Variants in POTEE observed in about 807,000 individuals in gnomAD.
The protein encoded by POTEE is POTE ankyrin domain family member E.
Under a neutral mutation model 74.2 loss-of-function variants are expected in POTEE, and 21 were observed. That is an observed-to-expected ratio of 0.28 (90% CI 0.20 to 0.41). The LOEUF (loss-of-function observed/expected upper bound fraction) is 0.41, where lower values mean the gene tolerates loss of function less well. POTEE is among the 10% of genes least tolerant of loss of function. The pLI, the probability that POTEE is intolerant of heterozygous loss-of-function variation, is 1.00. For missense variants in POTEE, 525 were observed against 1,158.6 expected (o/e 0.45, Z 7.94); for synonymous variants, 211 against 432.8 (o/e 0.49, Z 6.36).
intron 3 of POTEE, among the ~76,000 whole-genome samples, 48 bp downstream of exon 3, chr2:131,217,731 A>G (rs1700475529): frequency 1.3e-5 from 2 of 149,986 alleles, no homozygotes; most frequent in South Asian, 4.2e-4. Flanking sequence ...CCCTGACGCC[A>G]CCTGAGATAA....
intron 1 of POTEE, among the ~76,000 whole-genome samples, 33 bp downstream of exon 1, chr2:131,209,852 G>T (rs1310846683): frequency 6.6e-6 from 1 of 151,796 alleles, no homozygotes. Flanking sequence ...GCCCGCCTGT[G>T]GGGGCAGGGG....
intron 1 of POTEE, among the ~76,000 whole-genome samples, chr2:131,210,202 G>A (rs571285623): frequency 1.9e-3 from 238 of 124,622 alleles, no homozygotes; most frequent in Middle Eastern, 7.7e-3. Context: ...CTCAGGGTGC[G>A]CTATCAGGAG....
chr2:131,221,635 T>C (rs1700621419), intron 4 of POTEE, among the ~76,000 whole-genome samples: 1 of 152,224 alleles, frequency 6.6e-6, no homozygotes, highest in African/African-American at 2.4e-5. Context: ...CTGTGAACTT[T>C]TACCCTCTTC....
Position 131,232,676 on chromosome 2 carries a change from A to G in POTEE, c.1126+1770A>G, listed in dbSNP as rs544345592. ...GCTTTGGACTGCAAATACTAGATGAACAGTGGCTAAAACAGTAGGAACCAG... is the reference window on the plus strand; with the variant it reads ...GCTTTGGACTGCAAATACTAGATGAGCAGTGGCTAAAACAGTAGGAACCAG... On this transcript the variant is annotated intron_variant, in intron 9 of 17. Transcript: ENST00000683005. Among the ~76,000 whole-genome samples, 5 of 150,494 alleles carry G rather than the reference A, an allele frequency of 3.3e-5. No individual in the cohort carries two copies. In the East Asian group the frequency reaches 7.7e-4, roughly 23 times the overall value.
In POTEE at chr2:131,263,832, G is replaced by A. The variant is rs754500374; in HGVS notation, c.2377G>A (p.Glu793Lys). ...EKIWHHTFYN[E>K]LRVAPEEHPI... ...GATCTGGCACCACACCTTCTACAAC[G>A]AGCTGCGTGTGGCTCCCGAGGAGCA... Residue 793 changes from glutamate (E) to lysine (K), a missense_variant, in exon 18 of 18, where the codon GAG becomes AAG. Transcript: ENST00000683005. 19 of 1,614,004 alleles carry A rather than the reference G, an allele frequency of 1.2e-5. No homozygotes were observed. Among genetic ancestry groups the A allele is most frequent in the East Asian group, 4.5e-5 (2 of 44,886 alleles).
At chr2:131,214,398 A>G (rs1265701856) in intron 2 of POTEE, among the ~76,000 whole-genome samples, 1 of 152,272 alleles carries the variant, frequency 6.6e-6, no homozygotes, top group South Asian at 2.1e-4. Context: ...TGTTGTCCTA[A>G]AGTAGAATGA....
intron 4 of POTEE, among the ~76,000 whole-genome samples, chr2:131,221,608 C>G (rs1700620678): frequency 6.6e-6 from 1 of 152,160 alleles, no homozygotes; most frequent in South Asian, 2.1e-4. Flanking sequence ...ATTTTTCTAT[C>G]TGTGGTTGGC....
At chr2:131,232,888 A>G (rs1335689478) in intron 9 of POTEE, among the ~76,000 whole-genome samples, 3 of 151,890 alleles carry the variant, frequency 2.0e-5, no homozygotes, top group Non-Finnish European at 4.4e-5. Flanking sequence ...AAACAGGGAG[A>G]AAACTTAGAA....
chr2:131,209,872 C>T (rs1700318458), intron 1 of POTEE, among the ~76,000 whole-genome samples, 53 bp downstream of exon 1: 1 of 151,028 alleles, frequency 6.6e-6, no homozygotes, highest in Admixed American at 6.6e-5. Context: ...GTTGGGTGTC[C>T]TATTGGGGCT....
rs1164634870 is a variant in POTEE, at chr2:131,218,811, G to C, written c.409G>C (p.Gly137Arg). 1.2e-6 allele frequency: 2 copies of C among 1,612,712 alleles called. No individual in the cohort carries two copies. Among genetic ancestry groups the C allele is most frequent in the Non-Finnish European group, 8.5e-7 (1 of 1,179,868 alleles). Residue 137 changes from glycine to arginine, a missense_variant, in exon 4 of 18, where the codon GGA becomes CGA. Physicochemically the swap from Gly to Arg is moderately radical, Grantham distance 125. Coordinates refer to ENST00000683005, the MANE Select transcript of POTEE (RefSeq NM_001083538.3). ...AFMEPRYHVRGEDLDKLHRAA... is the reference protein window; with the variant it reads ...AFMEPRYHVRREDLDKLHRAA... ...CATGGAGCCCAGGTACCACGTCCGT[G>C]GAGAAGATCTGGACAAGCTCCACAG...
chr2:131,263,311 T>C (rs1260998654), intron 17 of POTEE, 44 bp from the exon 18 acceptor site: 1 of 1,576,650 alleles, frequency 6.3e-7, no homozygotes, highest in East Asian at 2.2e-5. Flanking sequence ...TCATGATATG[T>C]CAATCTATTG....
intron 2 of POTEE, among the ~76,000 whole-genome samples, chr2:131,216,346 T>C (rs1057387060): frequency 2.1e-4 from 32 of 152,238 alleles, no homozygotes; most frequent in African/African-American, 7.0e-4. Context: ...TCCTAAAATC[T>C]GAATGGAACC....
At chr2:131,225,696 T>C (rs1700763921) in intron 6 of POTEE, among the ~76,000 whole-genome samples, 1 of 148,882 alleles carries the variant, frequency 6.7e-6, no homozygotes, top group Non-Finnish European at 1.5e-5. Context: ...GTTTTTTTTT[T>C]TTTTTTTCAG....
rs374560179 is a variant in POTEE, at chr2:131,226,719, T to C, written c.811-104T>C. The stretch of plus-strand genomic sequence containing the variant: ...GGAAGCGAGTACATTTTATTTACTT[T>C]CTATGCGTGTAAGTCCATAAGATCT... On this transcript the variant is annotated intron_variant, in intron 6 of 17. Coordinates refer to ENST00000683005, the MANE Select transcript of POTEE (RefSeq NM_001083538.3). 1.1e-4 allele frequency: 171 copies of C among 1,555,784 alleles called. 1 individual carries two copies. In the South Asian group the frequency reaches 1.3e-3, roughly 12 times the overall value.
chr2:131,225,548 T>C (rs921588151), intron 6 of POTEE, among the ~76,000 whole-genome samples: 3 of 137,236 alleles, frequency 2.2e-5, no homozygotes, highest in South Asian at 2.5e-4. Flanking sequence ...TTTAAATCTT[T>C]CCAATAACAT....
At chr2:131,262,716 A>G (rs1383649681) in intron 17 of POTEE, among the ~76,000 whole-genome samples, 2 of 152,238 alleles carry the variant, frequency 1.3e-5, no homozygotes, top group Non-Finnish European at 2.9e-5. Context: ...GTTCAGTATT[A>G]TATGTAGAAG....
At chr2:131,223,751 T>G in intron 5 of POTEE, 41 bp downstream of exon 5, 1 of 1,610,098 alleles carries the variant, frequency 6.2e-7, no homozygotes, top group Non-Finnish European at 8.5e-7. Context: ...GTGGGTTTGA[T>G]TTCAATACAT....
chr2:131,238,086 C>T, intron 10 of POTEE, 108 bp from the exon 11 acceptor site: 2 of 1,086,956 alleles, frequency 1.8e-6, no homozygotes, highest in South Asian at 3.2e-5. Flanking sequence ...TTTTCATTGT[C>T]CATACTTGAT....
At chr2:131,256,775 C>T (rs879051379) in intron 16 of POTEE, among the ~76,000 whole-genome samples, 3,560 of 136,962 alleles carry the variant, frequency 0.026, no homozygotes, top group African/African-American at 0.095. Flanking sequence ...TGTACCAGCA[C>T]GATTCCTAAT....
Sources: allele counts gnomAD v4.1 joint callset (sites outside exome capture counted in the v4.1 genomes callset), GRCh38; gene constraint gnomAD v4.1.1; transcripts MANE v1.5; gene names NCBI Gene and HGNC (gene_info 2026-07-23, HGNC 2026-07-21).